HAPSTR2: variants seen among roughly 807,000 people sequenced by gnomAD.
HAPSTR2 encodes the protein HUWE1 associated protein modifying stress responses 2, also known as HUWE1-associated protein modifying stress responses 2.
At chrX:140,092,772 G>A in the HAPSTR2 span, among the ~76,000 whole-genome samples, 2 of 111,517 alleles carry the variant, frequency 1.8e-5, no homozygotes, top group Non-Finnish European at 3.8e-5. Context: ...TCCTAGCAGA[G>A]AACAAATATG....
At chrX:140,092,633 A>G in the HAPSTR2 span, 2 of 679,967 alleles carry the variant, frequency 2.9e-6, no homozygotes, top group South Asian at 1.5e-4. Context: ...GCTTGTCTAA[A>G]GGTTACTGGA....
At chrX:140,091,721 G>C in the HAPSTR2 span, 7 of 831,714 alleles carry the variant, frequency 8.4e-6, no homozygotes, top group Non-Finnish European at 1.0e-5. Flanking sequence ...CGGTGGTGGA[G>C]GTGCGCGGCC....
chrX:140,092,552 C>T, the HAPSTR2 span: 3 of 751,454 alleles, frequency 4.0e-6, no homozygotes, highest in Non-Finnish European at 3.1e-6. Context: ...AAAAGCGCAA[C>T]CGAATGGTCT....
chrX:140,092,081 C>G, the HAPSTR2 span: 2,369 of 800,146 alleles, frequency 3.0e-3, 33 homozygotes, highest in African/African-American at 0.044. Flanking sequence ...ACTTGGGTGT[C>G]CAGGTTGGCC....
At chrX:140,091,851 G>A in the HAPSTR2 span, 2 of 979,937 alleles carry the variant, frequency 2.0e-6, no homozygotes, top group Non-Finnish European at 2.6e-6. Flanking sequence ...GCTGCCCCCC[G>A]AGCTGCAGGA....
chrX:140,092,305 T>C, the HAPSTR2 span: 1 of 753,954 alleles, frequency 1.3e-6, no homozygotes, highest in East Asian at 1.5e-4. Flanking sequence ...CTGCAGCCCT[T>C]CCAGGAGGCG....
At chrX:140,092,415 A>C in the HAPSTR2 span, 2 of 751,991 alleles carry the variant, frequency 2.7e-6, no homozygotes. Flanking sequence ...GCGCCGAAAA[A>C]CTAGCTTCTT....
the HAPSTR2 span, chrX:140,091,959 G>T: frequency 1.2e-6 from 1 of 850,379 alleles, no homozygotes; most frequent in Non-Finnish European, 1.4e-6. Context: ...GCTTTACAAG[G>T]ATTCTGGGTG....
At chrX:140,092,823 A>G in the HAPSTR2 span, among the ~76,000 whole-genome samples, 10 of 111,751 alleles carry the variant, frequency 8.9e-5, no homozygotes, top group African/African-American at 3.3e-4. Flanking sequence ...GTATCTGGTC[A>G]AGGCAGGAGT....
At chrX:140,092,282 G>C in the HAPSTR2 span, 10 of 753,066 alleles carry the variant, frequency 1.3e-5, no homozygotes, top group Non-Finnish European at 1.6e-5. Context: ...CCAGCTCATC[G>C]GTGGACGTCG....
At chrX:140,092,214 C>G in the HAPSTR2 span, 1 of 755,783 alleles carries the variant, frequency 1.3e-6, no homozygotes, top group Non-Finnish European at 1.6e-6. Context: ...ACCTCGCACT[C>G]CTAGGACACC....
At chrX:140,092,046 G>C in the HAPSTR2 span, 3 of 812,605 alleles carry the variant, frequency 3.7e-6, no homozygotes, top group East Asian at 2.7e-4. Flanking sequence ...CAAAGAGAGC[G>C]GGGATGCCCA....
chrX:140,092,021 C>T, the HAPSTR2 span: 19 of 820,171 alleles, frequency 2.3e-5, no homozygotes, highest in Non-Finnish European at 2.8e-5. Flanking sequence ...CGGCCATGGC[C>T]GTGACCAGCC....
chrX:140,092,044 G>C, the HAPSTR2 span: 1 of 811,916 alleles, frequency 1.2e-6, no homozygotes, highest in Admixed American at 7.3e-5. Context: ...TACAAAGAGA[G>C]CGGGGATGCC....
the HAPSTR2 span, chrX:140,092,389 G>A: frequency 1.1e-4 from 86 of 752,373 alleles, no homozygotes; most frequent in South Asian, 2.1e-4. Context: ...CAAGACAGCG[G>A]TGTCGCCAGC....
the HAPSTR2 span, chrX:140,092,510 A>G: frequency 4.0e-6 from 3 of 751,555 alleles, no homozygotes; most frequent in South Asian, 6.9e-5. Flanking sequence ...CCTCGGCCCA[A>G]TGCAGTGATG....
the HAPSTR2 span, chrX:140,091,936 C>T: frequency 1.7e-5 from 15 of 878,637 alleles, no homozygotes; most frequent in Non-Finnish European, 2.1e-5. Flanking sequence ...ATCTCGGCCA[C>T]CGCCGTTGCT....
the HAPSTR2 span, chrX:140,091,695 G>A: frequency 1.4e-6 from 1 of 696,044 alleles, no homozygotes; most frequent in Non-Finnish European, 1.8e-6. Context: ...AGCAGCGGCG[G>A]CGGCGGAGGA....
At chrX:140,091,949 G>A in the HAPSTR2 span, 3 of 860,522 alleles carry the variant, frequency 3.5e-6, no homozygotes, top group Non-Finnish European at 4.3e-6. Context: ...CCGTTGCTCA[G>A]CTTTACAAGG....
Sources: gnomAD v4.1 joint callset for allele counts (sites outside exome capture counted in the v4.1 genomes callset) on GRCh38, gnomAD v4.1.1 for gene constraint, MANE v1.5 for transcripts, NCBI Gene and HGNC (gene_info 2026-07-23, HGNC 2026-07-21) for gene names.